The following GALNT9 variants were observed in gnomAD, a reference collection of about 807,000 sequenced individuals.
GALNT9 encodes the protein GalNAc transferase 9.
Under a neutral mutation model 63.1 loss-of-function variants are expected in GALNT9, and 47 were observed. The observed-to-expected ratio is 0.75, with a 90% CI of 0.59 to 0.95. GALNT9 has a LOEUF of 0.95. GALNT9 is among the 40% of genes least tolerant of loss of function. The probability of loss-of-function intolerance (pLI) is 0.00; values close to 1 mark genes in which losing one functional copy is unlikely to be tolerated. For missense variants in GALNT9, 829 were observed against 874.8 expected, an observed-to-expected ratio of 0.95 and a Z score of 0.66; for synonymous variants, 396 against 365.7, an observed-to-expected ratio of 1.08 and a Z score of -0.94.
chr12:132,204,195 T>TG (rs1409834148), intron 6 of GALNT9, among the ~76,000 whole-genome samples: 1 of 152,216 alleles, frequency 6.6e-6, no homozygotes, highest in Admixed American at 6.5e-5. Flanking sequence ...CCGCAGCCCC[T>TG]GGCTTTCTGA....
chr12:132,319,013 C>T lies in GALNT9; in HGVS notation c.238+9953G>A, dbSNP rs1390066841. Among the ~76,000 whole-genome samples, 3 of 152,174 alleles carry T rather than the reference C, an allele frequency of 2.0e-5. No individual in the cohort carries two copies. The highest frequency in any genetic ancestry group is 6.5e-5 in the Admixed American group (1 of 15,282). On this transcript the variant is annotated intron_variant, in intron 1 of 10. Transcript: ENST00000328957. This position sits in a 1 kb window ranked among gnomAD's most constrained non-coding sequence, Gnocchi z 5.2. The stretch of plus-strand genomic sequence containing the variant: ...GCAGCTGCACGGGTCCTTTGGACTT[C>T]GGCAGCGACTCTCTGGGAGGGAGGA...
chr12:132,303,406 C>A (rs61945665), intron 1 of GALNT9, among the ~76,000 whole-genome samples: 1 of 107,166 alleles, frequency 9.3e-6, no homozygotes. Flanking sequence ...CCCGGGCACA[C>A]CCTCACCCGG....
At chr12:132,275,383 G>A (rs1369655047) in intron 2 of GALNT9, 1 of 152,394 alleles carries the variant, frequency 6.6e-6, no homozygotes, top group Non-Finnish European at 1.5e-5. Flanking sequence ...CTGGGCTCCG[G>A]GAGACAGGAC....
chr12:132,248,150 G>A, intron 5 of GALNT9, 123 bp from the exon 6 acceptor site: 1 of 1,387,542 alleles, frequency 7.2e-7, no homozygotes, highest in South Asian at 1.5e-5. Flanking sequence ...TCCTCCCTGT[G>A]CACTCAGGTC....
At chr12:132,325,373 C>G (rs1309816929) in intron 1 of GALNT9, among the ~76,000 whole-genome samples, 1 of 152,238 alleles carries the variant, frequency 6.6e-6, no homozygotes, top group Non-Finnish European at 1.5e-5. Flanking sequence ...CAGACAGACA[C>G]AGCCTCGCCC....
chr12:132,258,807 C>T (rs1344803298), intron 4 of GALNT9, among the ~76,000 whole-genome samples: 5 of 152,226 alleles, frequency 3.3e-5, no homozygotes, highest in Non-Finnish European at 7.3e-5. Context: ...TTGGAGACGC[C>T]ATGGTCTACC....
chr12:132,267,075 T>C (rs1879628671), intron 2 of GALNT9, among the ~76,000 whole-genome samples: 1 of 151,760 alleles, frequency 6.6e-6, no homozygotes, highest in Admixed American at 6.6e-5. Flanking sequence ...CGAGGAGCAG[T>C]GAGGAGGTGG....
chr12:132,267,968 C>T lies in GALNT9; in HGVS notation c.420-5343G>A, dbSNP rs545112225. Among the ~76,000 whole-genome samples the T allele has an allele frequency of 3.9e-3, 584 of 151,568 alleles. 4 individuals carry two copies. The highest frequency in any genetic ancestry group is 0.013 in the African/African-American group (546 of 41,212). On this transcript the variant is annotated intron_variant, in intron 2 of 10. Coordinates refer to ENST00000328957, the MANE Select transcript of GALNT9 (RefSeq NM_001122636.2). ...ACTCACATACAGTCACACACATGCA[C>T]ACAAACCCACATGAACTCACACACA...
At chr12:132,201,924 A>T (rs1042988553) in intron 7 of GALNT9, among the ~76,000 whole-genome samples, 1 of 151,554 alleles carries the variant, frequency 6.6e-6, no homozygotes, top group Non-Finnish European at 1.5e-5. Context: ...AGGGACCAGC[A>T]CTCTCTGACG....
At position 132,329,096 on chromosome 12, in the gene GALNT9, C is replaced by G; in HGVS notation, c.108G>C (p.Glu36Asp). ...VYCRLQGRSQ[E>D]LVRIVSGDRR... ...GGTCGCCGCTCACGATGCGCACGAG[C>G]TCCTGGGAGCGGCCCTGCAGGCGGC... The change falls in exon 1 of 11, where the codon GAG becomes GAC. Residue 36 changes from glutamate (E) to aspartate (D), a missense_variant. Physicochemically the swap from Glu to Asp is conservative, Grantham distance 45. Transcript: ENST00000328957. The G allele has an allele frequency of 6.5e-7, 1 of 1,549,064 alleles. No homozygotes were observed. Among genetic ancestry groups the G allele is most frequent in the Non-Finnish European group, 8.7e-7 (1 of 1,146,516 alleles).
chr12:132,299,170 A>G (rs1881194920), intron 1 of GALNT9, among the ~76,000 whole-genome samples: 1 of 124,630 alleles, frequency 8.0e-6, no homozygotes, highest in Admixed American at 8.4e-5. Context: ...CACCTAACCC[A>G]CCCCTGAGAT....
In GALNT9 at chr12:132,245,894, C is replaced by T. The variant is rs1555237972; in HGVS notation, c.1077+2016G>A. On this transcript the variant is annotated intron_variant, in intron 6 of 10. Coordinates refer to ENST00000328957, the MANE Select transcript of GALNT9 (RefSeq NM_001122636.2). This position sits in a 1 kb window ranked among gnomAD's most constrained non-coding sequence, Gnocchi z 6.3. ...GGTGGCTCTGTCCCCAGGACCACAT[C>T]TGCTGGGTGCCCTCCACCCCAGGGG... 6.6e-6 allele frequency among the ~76,000 whole-genome samples: 1 copy of T among 152,206 alleles called. No individual in the cohort carries two copies. Among genetic ancestry groups the T allele is most frequent in the East Asian group, 1.9e-4 (1 of 5,174 alleles).
chr12:132,267,836 C>G lies in GALNT9; in HGVS notation c.420-5211G>C, dbSNP rs1879686955. ...ACGCACTCACACATGCAGTCACACA[C>G]ATGCATACAACCCACATGCACACAC... On this transcript the variant is annotated intron_variant, in intron 2 of 10. Transcript: ENST00000328957. Among the ~76,000 whole-genome samples, 3 of 143,990 alleles carry G rather than the reference C, an allele frequency of 2.1e-5. No individual in the cohort carries two copies. In the South Asian group the frequency reaches 6.8e-4, roughly 33 times the overall value. The allele number at this position is 143,990 out of a possible 152,430, so 94.5% of individuals were successfully genotyped here. A position where few individuals can be genotyped will look rare whatever the true frequency, so the allele number is the denominator to read the frequency against.
At chr12:132,247,619 C>A in intron 6 of GALNT9, 1 of 571,700 alleles carries the variant, frequency 1.7e-6, no homozygotes, top group Non-Finnish European at 3.3e-6. Flanking sequence ...CAGCCACACT[C>A]GCCCTCACCC....
At chr12:132,239,705 G>C (rs1466595211) in intron 6 of GALNT9, among the ~76,000 whole-genome samples, 5 of 152,104 alleles carry the variant, frequency 3.3e-5, no homozygotes, top group African/African-American at 1.2e-4. Flanking sequence ...GACAGACTGA[G>C]ACAAAGAGAC....
intron 1 of GALNT9, among the ~76,000 whole-genome samples, chr12:132,301,325 G>A (rs1881288084): frequency 6.6e-6 from 1 of 152,254 alleles, no homozygotes; most frequent in Non-Finnish European, 1.5e-5. Flanking sequence ...AGGTGACAGT[G>A]CCTGCCTGGC....
chr12:132,306,960 A>G (rs1193597176), intron 1 of GALNT9, among the ~76,000 whole-genome samples: 1 of 152,012 alleles, frequency 6.6e-6, no homozygotes, highest in Non-Finnish European at 1.5e-5. Context: ...GCTGTCTGGG[A>G]GCGTGGCGGG....
intron 5 of GALNT9, among the ~76,000 whole-genome samples, chr12:132,250,310 G>A (rs902666293): frequency 1.7e-4 from 26 of 152,212 alleles, no homozygotes; most frequent in Admixed American, 1.4e-3. Context: ...GTGGCGGCTC[G>A]TGGGTGTGGG....
intron 6 of GALNT9, among the ~76,000 whole-genome samples, chr12:132,227,248 C>T (rs1418354721): frequency 5.3e-5 from 8 of 152,142 alleles, no homozygotes; most frequent in South Asian, 2.1e-4. Flanking sequence ...CGAAATGGCT[C>T]CCCAGCTCGT....
Sources: allele counts gnomAD v4.1 joint callset (sites outside exome capture counted in the v4.1 genomes callset), GRCh38; gene constraint gnomAD v4.1.1; non-coding constraint Gnocchi (gnomAD v3.1); transcripts MANE v1.5; gene names NCBI Gene and HGNC (gene_info 2026-07-23, HGNC 2026-07-21).